MARCHF1: variants seen among roughly 807,000 people sequenced by gnomAD.
MARCHF1 encodes E3 ubiquitin-protein ligase MARCHF1.
In MARCHF1, 40 loss-of-function variants were observed where a neutral mutation model predicts 54.2. The observed-to-expected ratio is 0.74, with a 90% CI of 0.57 to 0.96. The LOEUF is 0.96. MARCHF1 is among the 40% of genes least tolerant of loss of function. MARCHF1 has a pLI of 0.00. For synonymous variants in MARCHF1, 236 were observed against 236.3 expected, an observed-to-expected ratio of 1.00 and a Z score of 0.01; for missense variants, 586 against 656.5, an observed-to-expected ratio of 0.89 and a Z score of 1.17.
At chr4:164,219,303 C>T (rs1474623412) in intron 1 of MARCHF1, among the ~76,000 whole-genome samples, 1 of 152,122 alleles carries the variant, frequency 6.6e-6, no homozygotes, top group Admixed American at 6.6e-5. Context: ...CAAAATGTAT[C>T]TGCTTTCCAC....
intron 1 of MARCHF1, chr4:164,190,005 G>A: frequency 1.4e-6 from 2 of 1,452,814 alleles, no homozygotes; most frequent in Non-Finnish European, 1.9e-6. Flanking sequence ...GGTTAATGAT[G>A]CTGAGAAGTT....
At chr4:163,778,248 C>T (rs1747360814) in intron 4 of MARCHF1, among the ~76,000 whole-genome samples, 1 of 152,086 alleles carries the variant, frequency 6.6e-6, no homozygotes, top group Non-Finnish European at 1.5e-5. Context: ...TGCTTATGTA[C>T]ACATATATTT....
intron 4 of MARCHF1, among the ~76,000 whole-genome samples, chr4:163,824,691 G>A (rs1202302928): frequency 1.2e-5 from 1 of 84,972 alleles, no homozygotes; most frequent in African/African-American, 3.6e-5. Context: ...ACTACCATCA[G>A]AGTGAACAGG....
chr4:163,693,757 T>A (rs890065969), intron 5 of MARCHF1, among the ~76,000 whole-genome samples: 8 of 152,178 alleles, frequency 5.3e-5, no homozygotes, highest in Admixed American at 5.2e-4. Context: ...TAATAACACA[T>A]GTTATATTGT....
intron 3 of MARCHF1, among the ~76,000 whole-genome samples, chr4:163,952,824 C>T (rs1752159425): frequency 6.6e-6 from 1 of 152,124 alleles, no homozygotes; most frequent in Non-Finnish European, 1.5e-5. Flanking sequence ...GAGGCTTCTT[C>T]TGAAATTTTT....
At chr4:163,620,662 C>G (rs907919485) in intron 5 of MARCHF1, among the ~76,000 whole-genome samples, 1 of 151,112 alleles carries the variant, frequency 6.6e-6, no homozygotes, top group East Asian at 2.0e-4. Context: ...CACACACACA[C>G]ACACATTTAT....
chr4:163,686,673 A>T (rs970404713), intron 5 of MARCHF1, among the ~76,000 whole-genome samples: 3 of 152,084 alleles, frequency 2.0e-5, no homozygotes, highest in African/African-American at 7.2e-5. Flanking sequence ...TTCAATAAAC[A>T]TTAAACATTA....
intron 1 of MARCHF1, among the ~76,000 whole-genome samples, chr4:164,182,609 C>T (rs955469262): frequency 7.3e-5 from 11 of 151,644 alleles, no homozygotes; most frequent in East Asian, 1.9e-4. Context: ...TTTATAAAAG[C>T]GTCTGATGTA....
chr4:164,024,700 C>A (rs942059078), intron 2 of MARCHF1, among the ~76,000 whole-genome samples: 2 of 152,066 alleles, frequency 1.3e-5, no homozygotes, highest in Admixed American at 6.5e-5. Flanking sequence ...AAACAACCAG[C>A]TAACAATAAG....
intron 3 of MARCHF1, among the ~76,000 whole-genome samples, chr4:163,854,658 C>T (rs933408368): frequency 6.6e-6 from 1 of 152,096 alleles, no homozygotes; most frequent in African/African-American, 2.4e-5. Context: ...GATTTTCTCT[C>T]TTATAAAGTT....
chr4:163,877,161 T>G (rs1750307474), intron 3 of MARCHF1, among the ~76,000 whole-genome samples: 1 of 152,186 alleles, frequency 6.6e-6, no homozygotes, highest in African/African-American at 2.4e-5. Flanking sequence ...CAGCATTATT[T>G]GTAAGCTTCT....
At chr4:163,545,981 G>GTGTT in intron 8 of MARCHF1, among the ~76,000 whole-genome samples, 1 of 134,718 alleles carries the variant, frequency 7.4e-6, no homozygotes, top group East Asian at 2.2e-4. Context: ...GTGTGTGTGT[G>GTGTT]TGTATTTTTT....
intron 2 of MARCHF1, among the ~76,000 whole-genome samples, chr4:164,071,074 A>T (rs1265116621): frequency 2.6e-5 from 4 of 152,234 alleles, no homozygotes; most frequent in Non-Finnish European, 1.5e-5. Flanking sequence ...AAGTCCAGTT[A>T]AACCTTTTTT....
chr4:163,919,239 A>T (rs1751373447), intron 3 of MARCHF1, among the ~76,000 whole-genome samples: 1 of 152,130 alleles, frequency 6.6e-6, no homozygotes, highest in Admixed American at 6.6e-5. Flanking sequence ...AAAATATTGG[A>T]GAAAGATGTT....
chr4:163,819,072 T>C (rs1748622164), intron 4 of MARCHF1, among the ~76,000 whole-genome samples: 1 of 152,128 alleles, frequency 6.6e-6, no homozygotes, highest in Non-Finnish European at 1.5e-5. Flanking sequence ...ATGCTCTTCC[T>C]GCCTTTTCTG....
intron 9 of MARCHF1, among the ~76,000 whole-genome samples, chr4:163,541,652 C>G (rs1738727337): frequency 6.6e-6 from 1 of 152,110 alleles, no homozygotes; most frequent in Non-Finnish European, 1.5e-5. Context: ...ATCATCATTA[C>G]AGTTCAAAAG....
intron 1 of MARCHF1, among the ~76,000 whole-genome samples, chr4:164,129,298 T>C (rs2915269): frequency 0.17 from 25,137 of 152,164 alleles, 2,519 homozygotes; most frequent in East Asian, 0.49. Flanking sequence ...ATAACTCTAA[T>C]TTATTTTAGA....
At chr4:164,098,363 C>A (rs751523572) in intron 2 of MARCHF1, among the ~76,000 whole-genome samples, 4 of 152,054 alleles carry the variant, frequency 2.6e-5, no homozygotes, top group African/African-American at 4.8e-5. Flanking sequence ...AGGAAGACAA[C>A]CCTGAAATAG....
intron 1 of MARCHF1, among the ~76,000 whole-genome samples, chr4:164,247,387 C>T (rs1024616629): frequency 6.6e-6 from 1 of 150,538 alleles, no homozygotes; most frequent in African/African-American, 2.4e-5. Context: ...TATTCTCACT[C>T]ATAGGTGGGA....
Sources: allele counts gnomAD v4.1 joint callset (sites outside exome capture counted in the v4.1 genomes callset), GRCh38; gene constraint gnomAD v4.1.1; transcripts MANE v1.5; gene names NCBI Gene and HGNC (gene_info 2026-07-23, HGNC 2026-07-21).